GDNF: variants seen among roughly 807,000 people sequenced by gnomAD.
GDNF encodes glial cell line-derived neurotrophic factor.
Under a neutral mutation model 13.7 loss-of-function variants are expected in GDNF, and 5 were observed. The ratio of observed to expected loss-of-function variants is 0.36; its 90% CI spans 0.19 to 0.77. The LOEUF is 0.77. Among genes scored for constraint, GDNF ranks in the 30% least tolerant of loss-of-function variants. The pLI is 0.51. For synonymous variants in GDNF, 122 were observed against 112.5 expected (o/e 1.08, Z -0.53); for missense variants, 246 against 274.3 (o/e 0.90, Z 0.73).
chr5:37,830,547 C>T (rs1581587875), intron 2 of GDNF, among the ~76,000 whole-genome samples: 1 of 152,202 alleles, frequency 6.6e-6, no homozygotes, highest in African/African-American at 2.4e-5. Context: ...TTCTCTCACT[C>T]GCTGTACTCT....
At chr5:37,832,585 A>C (rs934019135) in intron 2 of GDNF, among the ~76,000 whole-genome samples, 1 of 152,190 alleles carries the variant, frequency 6.6e-6, no homozygotes, top group Non-Finnish European at 1.5e-5. Flanking sequence ...AGTAGTGAGA[A>C]TCTTGTTCAC....
At position 37,838,945 on chromosome 5, in the gene GDNF, C is replaced by G. The variant is rs1750803003; in HGVS notation, c.-27+562G>C. 6.6e-6 allele frequency among the ~76,000 whole-genome samples: 1 copy of G among 152,140 alleles called. No individual in the cohort carries two copies. Among genetic ancestry groups the G allele is most frequent in the Non-Finnish European group, 1.5e-5 (1 of 68,022 alleles). ...GAGGGCGTTAGGAACGTGCAGGCAA[C>G]CGGGTGAGGAATGTAGCTTTGCCAG... On this transcript the variant is annotated intron_variant, in intron 1 of 2. Transcript: ENST00000326524. This position sits in a 1 kb window ranked among gnomAD's most constrained non-coding sequence, Gnocchi z 4.1.
chr5:37,821,726 C>T (rs901716330), intron 2 of GDNF, among the ~76,000 whole-genome samples: 1 of 151,934 alleles, frequency 6.6e-6, no homozygotes, highest in Admixed American at 6.6e-5. Context: ...TTGCTGCCCT[C>T]GATTATGGGG....
At position 37,828,409 on chromosome 5, in the gene GDNF, C is replaced by T. The variant is rs145005984; in HGVS notation, c.151+6237G>A. On this transcript the variant is annotated intron_variant, in intron 2 of 2. Coordinates refer to ENST00000326524, the MANE Select transcript of GDNF (RefSeq NM_000514.4). ...ATTAGTAATACTGGCTTAAGCCTAC[C>T]GCAGCCCAAATGGAGATTTTAAAAG... Among the ~76,000 whole-genome samples the T allele has an allele frequency of 5.4e-4, 83 of 152,330 alleles. 1 individual carries two copies. In the East Asian group the frequency reaches 0.014, roughly 25 times the overall value.
rs1554019789 is a variant in GDNF at position 37,813,560 on chromosome 5, C to CA, written c.*2090_*2091insT. ...CCTATGCTTCCTCCTGCTCCAACCT[C>CA]TTTTTTTTTTTTTTTTTTTTTTTGA... is the stretch of plus-strand genomic sequence containing the variant. On this transcript the variant is annotated 3_prime_UTR_variant, in exon 3 of 3. Transcript: ENST00000326524. 1.1e-5 allele frequency: 1 copy of CA among 87,026 alleles called. No individual in the cohort carries two copies. The highest frequency in any genetic ancestry group is 2.1e-5 in the Non-Finnish European group (1 of 48,194). 5.4% of individuals were successfully genotyped at this position (87,026 alleles called of 1,614,324 possible).
intron 2 of GDNF, among the ~76,000 whole-genome samples, chr5:37,824,784 G>A (rs1012135296): frequency 1.3e-5 from 2 of 152,180 alleles, no homozygotes; most frequent in African/African-American, 4.8e-5. Context: ...TTTCAGAAGT[G>A]TCCACAGCAT....
chr5:37,839,227 C>T lies in GDNF; in HGVS notation c.-27+280G>A, dbSNP rs1417224700. Among the ~76,000 whole-genome samples the T allele has an allele frequency of 6.6e-6, 1 of 152,144 alleles. No homozygotes were observed. The highest frequency in any genetic ancestry group is 2.4e-5 in the African/African-American group (1 of 41,436). ...GGCCGAGTCGGGGAAGGAAACTGCC[C>T]CTCTTGGGCATTCCGGGTCCAGGCG... is the stretch of plus-strand genomic sequence containing the variant. On this transcript the variant is annotated intron_variant, in intron 1 of 2. Transcript: ENST00000326524. This position sits in a 1 kb window ranked among gnomAD's most constrained non-coding sequence, Gnocchi z 5.5.
At chr5:37,822,760 A>C (rs1303293632) in intron 2 of GDNF, among the ~76,000 whole-genome samples, 1 of 152,244 alleles carries the variant, frequency 6.6e-6, no homozygotes, top group Admixed American at 6.5e-5. Context: ...GCGTGCATAC[A>C]TATGCGTCTA....
rs1750635421 is a variant in GDNF at position 37,834,641 on chromosome 5, C to T, written c.151+5G>A. 6.3e-7 allele frequency: 1 copy of T among 1,575,194 alleles called. No individual in the cohort carries two copies. Among genetic ancestry groups the T allele is most frequent in the Non-Finnish European group, 8.6e-7 (1 of 1,162,830 alleles). On this transcript the variant is annotated splice_donor_5th_base_variant and intron_variant, in intron 2 of 2. Transcript: ENST00000326524. ...GCCCCCCCGCGGGGAGGGAACGGTTCTTACAGTCACTGCTCAGCGCGAAGG... is the reference window on the plus strand; with the variant it reads ...GCCCCCCCGCGGGGAGGGAACGGTTTTTACAGTCACTGCTCAGCGCGAAGG...
chr5:37,820,131 T>C (rs1750080789), intron 2 of GDNF, among the ~76,000 whole-genome samples: 1 of 152,188 alleles, frequency 6.6e-6, no homozygotes, highest in African/African-American at 2.4e-5. Flanking sequence ...GTCATTAATT[T>C]AGGAACCTGG....
chr5:37,816,144 A>G lies in GDNF; in HGVS notation c.152-9T>C, dbSNP rs374278185. 13 of 1,613,580 alleles carry G rather than the reference A, an allele frequency of 8.1e-6. No individual in the cohort carries two copies. Among genetic ancestry groups the G allele is most frequent in the Non-Finnish European group, 1.1e-5 (13 of 1,179,662 alleles). ...ATCCTCTGGCATATTTGCTGTTCAA[A>G]AAGAAAAGAGAAAATGGCACATGAG... On this transcript the variant is annotated splice_polypyrimidine_tract_variant and intron_variant, in intron 2 of 2. Transcript: ENST00000326524.
intron 2 of GDNF, among the ~76,000 whole-genome samples, chr5:37,825,892 GA>G (rs1215062212): frequency 1.3e-5 from 2 of 152,196 alleles, no homozygotes; most frequent in Admixed American, 1.3e-4. Flanking sequence ...CAGATATGAG[GA>G]GGGAATTTCT....
rs1335789435 is a variant in GDNF at position 37,838,797 on chromosome 5, C to A, written c.-27+710G>T. Reference sequence around the variant, plus strand: ...CACAGAGTACAGGAGAAAAAGGGGTCATTAAAATAATAACCTCAATGGCCT... The same window carrying A: ...CACAGAGTACAGGAGAAAAAGGGGTAATTAAAATAATAACCTCAATGGCCT... On this transcript the variant is annotated intron_variant, in intron 1 of 2. Transcript: ENST00000326524. The surrounding 1 kb of genome is among the most constrained non-coding windows in gnomAD (Gnocchi z 4.1). Among the ~76,000 whole-genome samples the A allele has an allele frequency of 1.3e-5, 2 of 152,154 alleles. No homozygotes were observed. The highest frequency in any genetic ancestry group is 2.9e-5 in the Non-Finnish European group (2 of 68,036).
Position 37,835,527 on chromosome 5 carries a change from A to G in GDNF, c.-26-705T>C, listed in dbSNP as rs1581592634. On this transcript the variant is annotated intron_variant, in intron 1 of 2. Transcript: ENST00000326524. ...TTTAAGTTACTTAACTTCCCAAAGC[A>G]CTGATTCGATTTAAAATACTCCTCC... 5.4e-6 allele frequency: 8 copies of G among 1,489,498 alleles called. No individual in the cohort carries two copies. In the East Asian group the frequency reaches 2.0e-4, roughly 37 times the overall value. 92.3% of individuals were successfully genotyped at this position (1,489,498 alleles called of 1,614,324 possible). A position where few individuals can be genotyped will look rare whatever the true frequency, so the allele number is the denominator to read the frequency against.
At chr5:37,826,831 C>T (rs1202085319) in intron 2 of GDNF, among the ~76,000 whole-genome samples, 1 of 152,298 alleles carries the variant, frequency 6.6e-6, no homozygotes, top group Admixed American at 6.5e-5. Context: ...CCTCTTTATC[C>T]TTACTGAGAG....
chr5:37,817,726 C>T (rs1749984255), intron 2 of GDNF, among the ~76,000 whole-genome samples: 1 of 152,050 alleles, frequency 6.6e-6, no homozygotes, highest in Non-Finnish European at 1.5e-5. Context: ...TTGGCAGGAT[C>T]AGCTGCACGG....
chr5:37,835,685 G>A, intron 1 of GDNF: 1 of 1,547,692 alleles, frequency 6.5e-7, no homozygotes, highest in Non-Finnish European at 8.7e-7. Flanking sequence ...AATCCTCCGT[G>A]GTATACCCGA....
In GDNF at chr5:37,837,511, T is replaced by C. The variant is rs1750750827; in HGVS notation, c.-27+1996A>G. Among the ~76,000 whole-genome samples, 1 of 152,058 alleles carries C rather than the reference T, an allele frequency of 6.6e-6. No individual in the cohort carries two copies. Among genetic ancestry groups the C allele is most frequent in the African/African-American group, 2.4e-5 (1 of 41,412 alleles). ...AGGACGCCCAGGAAAGCCACAGAAG[T>C]GCTCGCAGAAGCAGCCGCTCGCCGC... On this transcript the variant is annotated intron_variant, in intron 1 of 2. Coordinates refer to ENST00000326524, the MANE Select transcript of GDNF (RefSeq NM_000514.4). The surrounding 1 kb of genome is among the most constrained non-coding windows in gnomAD (Gnocchi z 6.5).
In GDNF at chr5:37,814,344, G is replaced by A. The variant is rs1749834464; in HGVS notation, c.*1307C>T. 2 of 152,300 alleles carry A rather than the reference G, an allele frequency of 1.3e-5. No homozygotes were observed. Among genetic ancestry groups the A allele is most frequent in the African/African-American group, 4.8e-5 (2 of 41,436 alleles). The allele number at this position is 152,300 out of a possible 1,614,324, so 9.4% of individuals were successfully genotyped here. On this transcript the variant is annotated 3_prime_UTR_variant, in exon 3 of 3. Coordinates refer to ENST00000326524, the MANE Select transcript of GDNF (RefSeq NM_000514.4). ...GCCCACGACATTTCTGTTCAGCAAT[G>A]GAGCAAGGAAGAAATAAAGTCAAGT...
Sources: gnomAD v4.1 joint callset for allele counts (sites outside exome capture counted in the v4.1 genomes callset) on GRCh38, gnomAD v4.1.1 for gene constraint, Gnocchi (gnomAD v3.1) non-coding constraint, MANE v1.5 for transcripts, NCBI Gene and HGNC (gene_info 2026-07-23, HGNC 2026-07-21) for gene names.